POLR3G: variants seen among roughly 807,000 people sequenced by gnomAD.
The protein encoded by POLR3G is RNA polymerase III subunit G, also known as DNA-directed RNA polymerase III subunit RPC7.
Under a neutral mutation model 30.1 loss-of-function variants are expected in POLR3G, and 28 were observed. That is an observed-to-expected ratio of 0.93 (90% CI 0.69 to 1.27). POLR3G has a LOEUF of 1.27. Among genes scored for constraint, POLR3G ranks in the 50% most tolerant of loss-of-function variants. The pLI is 0.00. For missense variants in POLR3G, 254 were observed against 264.6 expected, an observed-to-expected ratio of 0.96 and a Z score of 0.28; for synonymous variants, 79 against 82.5, an observed-to-expected ratio of 0.96 and a Z score of 0.23.
intron 1 of POLR3G, among the ~76,000 whole-genome samples, chr5:90,482,800 T>G (rs1347700173): frequency 1.3e-5 from 2 of 152,146 alleles, no homozygotes; most frequent in Non-Finnish European, 2.9e-5. Flanking sequence ...CCAACCTATC[T>G]GCGCTTCCAG....
chr5:90,485,291 G>A (rs994086314), intron 1 of POLR3G, among the ~76,000 whole-genome samples: 9 of 152,184 alleles, frequency 5.9e-5, no homozygotes, highest in African/African-American at 9.7e-5. Context: ...TGCGTGGACT[G>A]GATGTGGGGC....
intron 1 of POLR3G, among the ~76,000 whole-genome samples, chr5:90,484,630 G>A (rs1751341308): frequency 6.6e-6 from 1 of 152,130 alleles, no homozygotes; most frequent in African/African-American, 2.4e-5. Flanking sequence ...TTTGCAAGGA[G>A]GGCAAGTGAG....
At chr5:90,488,253 G>T in intron 3 of POLR3G, 124 bp downstream of exon 3, 1 of 799,548 alleles carries the variant, frequency 1.3e-6, no homozygotes, top group Non-Finnish European at 1.8e-6. Context: ...CAACTACTTT[G>T]AAAAAGCTAT....
At chr5:90,483,772 A>C (rs1343587508) in intron 1 of POLR3G, among the ~76,000 whole-genome samples, 2 of 152,230 alleles carry the variant, frequency 1.3e-5, no homozygotes, top group Admixed American at 6.5e-5. Flanking sequence ...TATTTAAAAA[A>C]TTAAATTGGC....
At chr5:90,491,308 G>T (rs1751714436) in intron 3 of POLR3G, among the ~76,000 whole-genome samples, 1 of 152,196 alleles carries the variant, frequency 6.6e-6, no homozygotes, top group Non-Finnish European at 1.5e-5. Flanking sequence ...GTCTAGTCTA[G>T]TGGTTCCCAG....
intron 2 of POLR3G, among the ~76,000 whole-genome samples, chr5:90,487,270 T>G (rs1751485810): frequency 6.6e-6 from 1 of 151,920 alleles, no homozygotes; most frequent in Non-Finnish European, 1.5e-5. Context: ...GCTTTTTTAT[T>G]TATTTATTTT....
At chr5:90,474,259 G>C (rs373346589), upstream of POLR3G, 5 of 1,613,520 alleles carry the variant, frequency 3.1e-6, no homozygotes, top group Non-Finnish European at 4.2e-6. Context: ...CCATCGCCTA[G>C]AGACTTGTGG....
intron 3 of POLR3G, among the ~76,000 whole-genome samples, chr5:90,489,051 A>G (rs915378064): frequency 6.6e-6 from 1 of 152,134 alleles, no homozygotes; most frequent in African/African-American, 2.4e-5. Flanking sequence ...ATCTCATTCC[A>G]TTCGTATTAA....
At chr5:90,479,559 A>G (rs1471579946) in intron 1 of POLR3G, among the ~76,000 whole-genome samples, 1 of 152,098 alleles carries the variant, frequency 6.6e-6, no homozygotes, top group Admixed American at 6.5e-5. Context: ...GTGGTATTCT[A>G]TTTCTTTGAA....
chr5:90,482,261 A>G (rs532335110), intron 1 of POLR3G, among the ~76,000 whole-genome samples: 1 of 152,338 alleles, frequency 6.6e-6, no homozygotes, highest in Admixed American at 6.5e-5. Flanking sequence ...AGTGAAAGAT[A>G]TCAGACCTAA....
intron 7 of POLR3G, among the ~76,000 whole-genome samples, chr5:90,510,064 G>T (rs1005028643): frequency 1.3e-5 from 2 of 152,102 alleles, no homozygotes; most frequent in Admixed American, 6.5e-5. Context: ...CTGCCATGGG[G>T]GTAGTAGGGT....
intron 1 of POLR3G, among the ~76,000 whole-genome samples, chr5:90,475,318 ATTT>A (rs1561243794): frequency 6.6e-6 from 1 of 152,024 alleles, no homozygotes; most frequent in African/African-American, 2.4e-5. Flanking sequence ...TGGCTTTATG[ATTT>A]TTTAGGCACT....
rs1752797585 is a variant in POLR3G, at chr5:90,512,770, CA to C, written c.*632del. ...ATCTTAGCCAGTACAAAGAAACTTT[CA>C]CATGGGGTGAATATTATAATACTTG... On this transcript the variant is annotated 3_prime_UTR_variant, in exon 8 of 8. Transcript: ENST00000651687. 6.6e-6 allele frequency: 1 copy of C among 152,434 alleles called. No homozygotes were observed. Among genetic ancestry groups the C allele is most frequent in the South Asian group, 2.1e-4 (1 of 4,834 alleles). 9.4% of individuals were successfully genotyped at this position (152,434 alleles called of 1,614,324 possible). A position where few individuals can be genotyped will look rare whatever the true frequency, so the allele number is the denominator to read the frequency against.
rs1244561885 is a variant in POLR3G at position 90,514,541 on chromosome 5, C to T, written c.*2402C>T. The T allele has an allele frequency of 6.6e-6, 1 of 152,118 alleles. No homozygotes were observed. The highest frequency in any genetic ancestry group is 1.9e-4 in the East Asian group (1 of 5,190). The allele number at this position is 152,118 out of a possible 1,614,324, so 9.4% of individuals were successfully genotyped here. ...TTCCAAATATTCTTGAATAAACAAT[C>T]ACCACAAACAACAAAACTCTGGTTA... On this transcript the variant is annotated 3_prime_UTR_variant, in exon 8 of 8. Transcript: ENST00000651687.
chr5:90,509,609 T>A (rs1752644002), intron 7 of POLR3G, among the ~76,000 whole-genome samples: 1 of 152,170 alleles, frequency 6.6e-6, no homozygotes. Context: ...GAAGACAATT[T>A]AGGTGATCTG....
At chr5:90,474,365 C>G, upstream of POLR3G, 1 of 1,382,392 alleles carries the variant, frequency 7.2e-7, no homozygotes, top group Non-Finnish European at 1.0e-6. Flanking sequence ...ACACACAGGG[C>G]ACTGCGGCTG....
chr5:90,496,498 T>G (rs115697061), intron 4 of POLR3G, among the ~76,000 whole-genome samples: 2,152 of 152,374 alleles, frequency 0.014, 59 homozygotes, highest in African/African-American at 0.049. Flanking sequence ...TAGTTTTAGT[T>G]GTTAGGCTTC....
Position 90,512,172 on chromosome 5 carries a change from G to A in POLR3G, c.*33G>A. On this transcript the variant is annotated 3_prime_UTR_variant, in exon 8 of 8. Coordinates refer to ENST00000651687, the MANE Select transcript of POLR3G (RefSeq NM_006467.3). ...ATTTTTCAAAAAATATTTTTATGATGCAGCTTCTGAACATTTGGACAGACT... is the reference window on the plus strand; with the variant it reads ...ATTTTTCAAAAAATATTTTTATGATACAGCTTCTGAACATTTGGACAGACT... 2 of 1,278,836 alleles carry A rather than the reference G, an allele frequency of 1.6e-6. No homozygotes were observed. Among genetic ancestry groups the A allele is most frequent in the Non-Finnish European group, 2.3e-6 (2 of 877,206 alleles). The allele number at this position is 1,278,836 out of a possible 1,614,324, so 79.2% of individuals were successfully genotyped here.
chr5:90,511,663 T>G (rs1726905955), intron 7 of POLR3G, among the ~76,000 whole-genome samples: 2 of 152,044 alleles, frequency 1.3e-5, no homozygotes, highest in Admixed American at 6.5e-5. Context: ...TGGCTTATGC[T>G]TAGTTATGTT....
Sources: allele counts gnomAD v4.1 joint callset (sites outside exome capture counted in the v4.1 genomes callset), GRCh38; gene constraint gnomAD v4.1.1; transcripts MANE v1.5; gene names NCBI Gene and HGNC (gene_info 2026-07-23, HGNC 2026-07-21).